The following CHST12 variants were observed in gnomAD, a reference collection of about 807,000 sequenced individuals.
CHST12 encodes the protein carbohydrate sulfotransferase 12.
Under a neutral mutation model 27.9 loss-of-function variants are expected in CHST12, and 23 were observed. The observed-to-expected ratio is 0.82, with a 90% CI of 0.59 to 1.17. The LOEUF is 1.17. Among genes scored for constraint, CHST12 ranks in the 50% most tolerant of loss-of-function variants. The pLI, the probability that CHST12 is intolerant of heterozygous loss-of-function variation, is 0.00. For missense variants in CHST12, 682 were observed against 603.0 expected (o/e 1.13, Z -1.37); for synonymous variants, 322 against 273.0 (o/e 1.18, Z -1.77).
intron 1 of CHST12, among the ~76,000 whole-genome samples, chr7:2,416,883 TCTCC>T (rs1781823376): frequency 6.6e-6 from 1 of 152,094 alleles, no homozygotes; most frequent in Non-Finnish European, 1.5e-5. Context: ...ACATACGCCT[TCTCC>T]GCACAGTAAA....
Position 2,433,144 on chromosome 7 carries a change from T to A in CHST12, c.505T>A (p.Tyr169Asn). The stretch of plus-strand genomic sequence containing the variant: ...CGACCGGCACGGGGCCATCTACTGC[T>A]ACGTGCCCAAGGTGGCCTGCACCAA... ...VDDRHGAIYC[Y>N]VPKVACTNWK... Residue 169 changes from tyrosine (Y) to asparagine (N), a missense_variant, in exon 2 of 2, where the codon TAC becomes AAC. Tyr to Asn is a moderately radical substitution (Grantham distance 143). Coordinates refer to ENST00000618655, the MANE Select transcript of CHST12 (RefSeq NM_018641.5). This position sits in a 1 kb window ranked among gnomAD's most constrained non-coding sequence, Gnocchi z 6.1. The A allele has an allele frequency of 1.2e-6, 2 of 1,612,896 alleles. No individual in the cohort carries two copies. The highest frequency in any genetic ancestry group is 1.7e-6 in the Non-Finnish European group (2 of 1,179,500).
chr7:2,423,517 C>T (rs1487852713), intron 1 of CHST12, among the ~76,000 whole-genome samples: 1 of 152,090 alleles, frequency 6.6e-6, no homozygotes, highest in African/African-American at 2.4e-5. Flanking sequence ...CATTGCCTTT[C>T]TCTGGTTTGA....
intron 1 of CHST12, among the ~76,000 whole-genome samples, chr7:2,405,490 G>A (rs1185104189): frequency 6.6e-6 from 1 of 152,146 alleles, no homozygotes; most frequent in African/African-American, 2.4e-5. Flanking sequence ...CTGTGTGAGG[G>A]AGTTTAAACT....
chr7:2,415,135 C>G (rs10262626), intron 1 of CHST12, among the ~76,000 whole-genome samples: 1 of 152,144 alleles, frequency 6.6e-6, no homozygotes, highest in African/African-American at 2.4e-5. Flanking sequence ...GAGGCCAAGG[C>G]GGGTGGATCA....
In CHST12 at chr7:2,444,830, A is replaced by T. The variant is rs1201622243; in HGVS notation, c.*10946A>T. Reference sequence around the variant, plus strand: ...AGAGCAAGGAAGTTCTGTGAGCCTCATTCAATCATCTGAGGTTCTTCCCAG... The same window carrying T: ...AGAGCAAGGAAGTTCTGTGAGCCTCTTTCAATCATCTGAGGTTCTTCCCAG... On this transcript the variant is annotated 3_prime_UTR_variant, in exon 2 of 2. Coordinates refer to ENST00000618655, the MANE Select transcript of CHST12 (RefSeq NM_018641.5). The T allele has an allele frequency of 6.6e-6, 1 of 152,228 alleles. No homozygotes were observed. Among genetic ancestry groups the T allele is most frequent in the Non-Finnish European group, 1.5e-5 (1 of 68,040 alleles). The allele number at this position is 152,228 out of a possible 1,614,324, so 9.4% of individuals were successfully genotyped here.
rs554420263 is a variant in CHST12 at position 2,406,179 on chromosome 7, C to G, written c.-78+2506C>G. 2.0e-5 allele frequency among the ~76,000 whole-genome samples: 3 copies of G among 152,200 alleles called. No homozygotes were observed. The East Asian group carries it at 5.8e-4, about 29-fold the overall frequency. Reference sequence around the variant, plus strand: ...TTTCGGAGAGTAGCTGTTAGTTTCACACTTGCTTAGTGGGTCTGTGGCTGC... The same window carrying G: ...TTTCGGAGAGTAGCTGTTAGTTTCAGACTTGCTTAGTGGGTCTGTGGCTGC... On this transcript the variant is annotated intron_variant, in intron 1 of 1. Transcript: ENST00000618655.
chr7:2,424,257 C>G (rs1426473044), intron 1 of CHST12, among the ~76,000 whole-genome samples: 2 of 152,006 alleles, frequency 1.3e-5, no homozygotes, highest in African/African-American at 4.8e-5. Context: ...TTGGGACAAC[C>G]CAGGAAGTTG....
intron 1 of CHST12, among the ~76,000 whole-genome samples, chr7:2,408,921 G>T (rs1029082819): frequency 6.6e-6 from 1 of 152,216 alleles, no homozygotes; most frequent in African/African-American, 2.4e-5. Context: ...TTCTTTGGGA[G>T]AAGATGAAAT....
At position 2,437,819 on chromosome 7, in the gene CHST12, T is replaced by C. The variant is rs1165888566; in HGVS notation, c.*3935T>C. The C allele has an allele frequency of 6.6e-6, 1 of 152,290 alleles. No individual in the cohort carries two copies. The highest frequency in any genetic ancestry group is 2.4e-5 in the African/African-American group (1 of 41,426). The allele number at this position is 152,290 out of a possible 1,614,324, so 9.4% of individuals were successfully genotyped here. On this transcript the variant is annotated 3_prime_UTR_variant, in exon 2 of 2. Transcript: ENST00000618655. ...CTTCTTCCAGAGGGTGTAGGAGTTG[T>C]GTTCCAAGTTTGTTCCTGCAAACCC...
rs754434576 is a variant in CHST12, at chr7:2,433,406, G to A, written c.767G>A (p.Arg256His). The change falls in exon 2 of 2, where the codon CGC (arginine) becomes CAC (histidine). Residue 256 changes from arginine to histidine, a missense_variant. Arg to His is a conservative substitution (Grantham distance 29). Transcript: ENST00000618655. The surrounding 1 kb of genome is among the most constrained non-coding windows in gnomAD (Gnocchi z 6.1). ...DPFVRLISAF[R>H]SKFELENEEF... ...TTCGTGCGCCTGATCTCCGCCTTCC[G>A]CAGCAAGTTCGAGCTGGAGAACGAG... The A allele has an allele frequency of 5.0e-6, 8 of 1,609,422 alleles. No individual in the cohort carries two copies. Among genetic ancestry groups the A allele is most frequent in the South Asian group, 3.3e-5 (3 of 91,088 alleles).
chr7:2,413,654 C>T (rs542785195), intron 1 of CHST12, among the ~76,000 whole-genome samples: 10 of 151,738 alleles, frequency 6.6e-5, no homozygotes, highest in Admixed American at 2.0e-4. Flanking sequence ...GGCGTTCACC[C>T]ATGAATCAGC....
At chr7:2,412,802 TAAAC>T (rs1295755012) in intron 1 of CHST12, among the ~76,000 whole-genome samples, 1 of 152,218 alleles carries the variant, frequency 6.6e-6, no homozygotes, top group African/African-American at 2.4e-5. Context: ...ATGTGAGGAT[TAAAC>T]AAAGTAATAT....
At chr7:2,423,484 T>G (rs775375678) in intron 1 of CHST12, among the ~76,000 whole-genome samples, 77 of 152,132 alleles carry the variant, frequency 5.1e-4, no homozygotes, top group Non-Finnish European at 9.7e-4. Flanking sequence ...ATGCTCACGT[T>G]TTCGTGATTT....
intron 1 of CHST12, among the ~76,000 whole-genome samples, chr7:2,414,242 C>T (rs1781745718): frequency 6.6e-6 from 1 of 151,974 alleles, no homozygotes; most frequent in African/African-American, 2.4e-5. Flanking sequence ...TATTTTCTCC[C>T]GGCCTATGGC....
chr7:2,405,987 C>T lies in CHST12; in HGVS notation c.-78+2314C>T, dbSNP rs1009435924. Among the ~76,000 whole-genome samples, 21 of 152,122 alleles carry T rather than the reference C, an allele frequency of 1.4e-4. 1 individual carries two copies. Among genetic ancestry groups the T allele is most frequent in the Admixed American group, 9.8e-4 (15 of 15,258 alleles). On this transcript the variant is annotated intron_variant, in intron 1 of 1. Coordinates refer to ENST00000618655, the MANE Select transcript of CHST12 (RefSeq NM_018641.5). ...CCTTGGGCGTGCAGTTCCTTGACTA[C>T]GCACAGTCATTGAGGCTGGCAGGTG...
chr7:2,413,682 C>A (rs1259825500), intron 1 of CHST12, among the ~76,000 whole-genome samples: 2 of 151,296 alleles, frequency 1.3e-5, no homozygotes, highest in African/African-American at 4.9e-5. Flanking sequence ...CCTTTTTACA[C>A]TCACTTGCTG....
rs1430750042 is a variant in CHST12, at chr7:2,434,608, A to G, written c.*724A>G. ...AAAAAAAAAAAAAAAAAAAAAAAAAAAAAAAAAATGAGTCGGGTGTGGTGG... is the reference window on the plus strand; with the variant it reads ...AAAAAAAAAAAAAAAAAAAAAAAAAGAAAAAAAATGAGTCGGGTGTGGTGG... On this transcript the variant is annotated 3_prime_UTR_variant, in exon 2 of 2. Transcript: ENST00000618655. The G allele has an allele frequency of 1.3e-5, 2 of 149,300 alleles. No individual in the cohort carries two copies. The highest frequency in any genetic ancestry group is 5.4e-5 in the African/African-American group (2 of 37,288). 9.2% of individuals were successfully genotyped at this position (149,300 alleles called of 1,614,324 possible).
At chr7:2,424,257 C>CTAGG (rs1782049030) in intron 1 of CHST12, among the ~76,000 whole-genome samples, 1 of 152,006 alleles carries the variant, frequency 6.6e-6, no homozygotes, top group African/African-American at 2.4e-5. Context: ...TTGGGACAAC[C>CTAGG]CAGGAAGTTG....
rs565516142 is a variant in CHST12 at position 2,406,890 on chromosome 7, G to A, written c.-78+3217G>A. ...TACACACTGGGAAACCAGAGAGCGT[G>A]CAGGAAGGAGCCTTAGAAAGCAGGC... On this transcript the variant is annotated intron_variant, in intron 1 of 1. Transcript: ENST00000618655. Among the ~76,000 whole-genome samples, 7 of 152,278 alleles carry A rather than the reference G, an allele frequency of 4.6e-5. No individual in the cohort carries two copies. The South Asian group carries it at 1.2e-3, about 27-fold the overall frequency.
Sources: allele counts gnomAD v4.1 joint callset (sites outside exome capture counted in the v4.1 genomes callset), GRCh38; gene constraint gnomAD v4.1.1; non-coding constraint Gnocchi (gnomAD v3.1); transcripts MANE v1.5; gene names NCBI Gene and HGNC (gene_info 2026-07-23, HGNC 2026-07-21).